The following SCN8A variants were observed in gnomAD, a reference collection of about 807,000 sequenced individuals.
SCN8A encodes the protein sodium channel protein type 8 subunit alpha.
In SCN8A, 30 loss-of-function variants were observed where a neutral mutation model predicts 184.1. The observed-to-expected ratio is 0.16, with a 90% CI of 0.12 to 0.22. The LOEUF (loss-of-function observed/expected upper bound fraction) is 0.22, where lower values mean the gene tolerates loss of function less well. SCN8A is among the 10% of genes least tolerant of loss of function. The pLI is 1.00. For synonymous variants in SCN8A, 852 were observed against 907.0 expected (o/e 0.94, Z 1.09); for missense variants, 1,057 against 2,498.9 (o/e 0.42, Z 12.30).
Position 51,812,761 on chromosome 12 carries a change from G to A in SCN8A, c.*5332G>A, listed in dbSNP as rs1938953529. ...CTTGAGAAATGAGAATGTGTAAGTGGATTGGAAGTTTATAGTATGAAATTT... is the reference window on the plus strand; with the variant it reads ...CTTGAGAAATGAGAATGTGTAAGTGAATTGGAAGTTTATAGTATGAAATTT... On this transcript the variant is annotated 3_prime_UTR_variant, in exon 27 of 27. Coordinates refer to ENST00000627620, the MANE Select transcript of SCN8A (RefSeq NM_001330260.2). The A allele has an allele frequency of 6.6e-6, 1 of 152,200 alleles. No homozygotes were observed. Among genetic ancestry groups the A allele is most frequent in the Non-Finnish European group, 1.5e-5 (1 of 68,030 alleles). 9.4% of individuals were successfully genotyped at this position (152,200 alleles called of 1,614,324 possible).
chr12:51,640,212 GTTTTTTTTTTTTTTTTTT>G (rs57362371), intron 1 of SCN8A, among the ~76,000 whole-genome samples: 17 of 34,776 alleles, frequency 4.9e-4, no homozygotes, highest in East Asian at 4.7e-3. Flanking sequence ...TGCCTGGCCT[GTTTTTTTTTTTTTTTTTT>G]TTTTTTTTTT....
intron 6 of SCN8A, among the ~76,000 whole-genome samples, chr12:51,690,729 A>G (rs1941492580): frequency 6.6e-6 from 1 of 152,214 alleles, no homozygotes; most frequent in African/African-American, 2.4e-5. Flanking sequence ...GCACAAAGAT[A>G]GAATCCTGGA....
chr12:51,620,618 T>C (rs1939939369), intron 1 of SCN8A, among the ~76,000 whole-genome samples: 1 of 152,058 alleles, frequency 6.6e-6, no homozygotes, highest in African/African-American at 2.4e-5. Flanking sequence ...GAAGCAATCA[T>C]TGCATAAAAC....
intron 1 of SCN8A, among the ~76,000 whole-genome samples, chr12:51,630,194 C>T (rs1032840081): frequency 5.3e-5 from 8 of 151,928 alleles, no homozygotes; most frequent in Admixed American, 3.9e-4. Flanking sequence ...TGTTATGTAA[C>T]CATCAGCACC....
chr12:51,637,510 A>G (rs1171845641), intron 1 of SCN8A, among the ~76,000 whole-genome samples: 1 of 152,342 alleles, frequency 6.6e-6, no homozygotes, highest in Non-Finnish European at 1.5e-5. Flanking sequence ...AACAGCCTTA[A>G]TGCTGATATG....
intron 12 of SCN8A, among the ~76,000 whole-genome samples, chr12:51,728,858 A>G (rs1322866737): frequency 6.6e-6 from 1 of 151,870 alleles, no homozygotes; most frequent in Non-Finnish European, 1.5e-5. Flanking sequence ...GCACCCCCCA[A>G]CCCATCACAC....
At position 51,706,588 on chromosome 12, in the gene SCN8A, T is replaced by G. The variant is rs1418884810; in HGVS notation, c.1508T>G (p.Leu503Arg). The G allele has an allele frequency of 6.2e-7, 1 of 1,608,686 alleles. No homozygotes were observed. The highest frequency in any genetic ancestry group is 8.5e-7 in the Non-Finnish European group (1 of 1,177,352). The change falls in exon 11 of 27, where the codon CTC becomes CGC. Residue 503 changes from leucine to arginine, a missense_variant. Leu to Arg is a moderately radical substitution (Grantham distance 102). This residue lies in a region of SCN8A where 322 missense variants were observed against 390.1 expected (regional missense o/e 0.83). Coordinates refer to ENST00000627620, the MANE Select transcript of SCN8A (RefSeq NM_001330260.2). ...AGAAAGAAGAGGAAGCAAAAGGAAC[T>G]CTCTGAAGGAGAGGAGAAAGGGGAT... Reference protein sequence around the residue: ...NRRKKRKQKELSEGEEKGDPE... With the variant: ...NRRKKRKQKERSEGEEKGDPE...
chr12:51,677,674 T>C (rs553424750), intron 2 of SCN8A, among the ~76,000 whole-genome samples: 8 of 152,302 alleles, frequency 5.3e-5, no homozygotes, highest in Non-Finnish European at 8.8e-5. Flanking sequence ...AGCCCCACAT[T>C]GCTAATTAGA....
At chr12:51,702,409 A>G (rs1207022584) in intron 8 of SCN8A, among the ~76,000 whole-genome samples, 1 of 151,930 alleles carries the variant, frequency 6.6e-6, no homozygotes, top group African/African-American at 2.4e-5. Context: ...TTGCACATTG[A>G]TATGAATCTA....
intron 12 of SCN8A, among the ~76,000 whole-genome samples, chr12:51,737,124 G>A (rs1196681744): frequency 6.6e-6 from 1 of 152,194 alleles, no homozygotes; most frequent in East Asian, 1.9e-4. Context: ...AAAGCTTGCT[G>A]TATTTGTGCC....
At chr12:51,604,616 G>A (rs564543485) in intron 1 of SCN8A, among the ~76,000 whole-genome samples, 11 of 152,068 alleles carry the variant, frequency 7.2e-5, no homozygotes, top group Admixed American at 5.2e-4. Context: ...CGCAACCTCC[G>A]CCTCCCCTTC....
chr12:51,762,004 A>G (rs1281518625), intron 14 of SCN8A, among the ~76,000 whole-genome samples: 1 of 152,056 alleles, frequency 6.6e-6, no homozygotes, highest in East Asian at 1.9e-4. Context: ...TATAGATATT[A>G]TTTCCTATAT....
chr12:51,751,973 C>A (rs1942602526), intron 14 of SCN8A, among the ~76,000 whole-genome samples: 1 of 152,048 alleles, frequency 6.6e-6, no homozygotes, highest in African/African-American at 2.4e-5. Context: ...CCTTAAGTAA[C>A]ATCTACCACA....
At chr12:51,716,374 G>T (rs935814575) in intron 11 of SCN8A, among the ~76,000 whole-genome samples, 3 of 152,038 alleles carry the variant, frequency 2.0e-5, no homozygotes, top group Non-Finnish European at 2.9e-5. Context: ...AAAAAATAAA[G>T]TAGAGCATAA....
intron 1 of SCN8A, among the ~76,000 whole-genome samples, chr12:51,647,804 C>T (rs555999755): frequency 1.4e-4 from 22 of 152,264 alleles, no homozygotes; most frequent in African/African-American, 5.1e-4. Context: ...ACAGTGTAAA[C>T]CATCCATCTG....
chr12:51,710,889 T>C (rs561596995), intron 11 of SCN8A, among the ~76,000 whole-genome samples: 62 of 152,344 alleles, frequency 4.1e-4, no homozygotes, highest in African/African-American at 1.5e-3. Flanking sequence ...ACTCTACATA[T>C]ACTCTGTGTG....
intron 16 of SCN8A, chr12:51,766,353 C>T (rs1468138803): frequency 2.8e-6 from 1 of 362,658 alleles, no homozygotes; most frequent in Non-Finnish European, 5.1e-6. Flanking sequence ...CGTTCGCCTA[C>T]AGAAGCCTTC....
intron 1 of SCN8A, among the ~76,000 whole-genome samples, chr12:51,633,675 G>A (rs1359480782): frequency 6.6e-6 from 1 of 152,132 alleles, no homozygotes; most frequent in Non-Finnish European, 1.5e-5. Flanking sequence ...ACTCACTGTT[G>A]GATCGTTTCT....
chr12:51,776,050 C>T (rs764926128), intron 20 of SCN8A, among the ~76,000 whole-genome samples: 67 of 152,178 alleles, frequency 4.4e-4, no homozygotes, highest in Non-Finnish European at 6.0e-4. Flanking sequence ...AGTGCAGTGG[C>T]GCCATCTCTG....
Sources: gnomAD v4.1 joint callset for allele counts (sites outside exome capture counted in the v4.1 genomes callset) on GRCh38, gnomAD v4.1.1 for gene constraint, gnomAD v4.1.1 regional missense constraint, MANE v1.5 for transcripts, NCBI Gene and HGNC (gene_info 2026-07-23, HGNC 2026-07-21) for gene names.